Variants in ZCCHC14 observed in about 807,000 individuals in gnomAD.
The protein encoded by ZCCHC14 is zinc finger CCHC-type containing 14, also known as zinc finger CCHC domain-containing protein 14.
In ZCCHC14, 16 loss-of-function variants were observed where a neutral mutation model predicts 85.0. The observed-to-expected ratio is 0.19, with a 90% CI of 0.13 to 0.29. The LOEUF (loss-of-function observed/expected upper bound fraction) is 0.29. Among genes scored for constraint, ZCCHC14 ranks in the 10% least tolerant of loss-of-function variants. The pLI, the probability that ZCCHC14 is intolerant of heterozygous loss-of-function variation, is 1.00. For synonymous variants in ZCCHC14, 775 were observed against 630.7 expected, an observed-to-expected ratio of 1.23 and a Z score of -3.43; for missense variants, 1,303 against 1,443.5, an observed-to-expected ratio of 0.90 and a Z score of 1.58.
rs372087106 is a variant in ZCCHC14, at chr16:87,413,039, G to A, written c.1744+16C>T. 99 of 1,614,042 alleles carry A rather than the reference G, an allele frequency of 6.1e-5. No homozygotes were observed. The highest frequency in any genetic ancestry group is 4.8e-4 in the Admixed American group (29 of 60,014). On this transcript the variant is annotated intron_variant, in intron 11 of 12. Transcript: ENST00000671377. ...AGCTGGGCCAGGTCGAGCCAGCGCC[G>A]CGCACGTGCCCTTACGTCTGTCATT...
At chr16:87,411,311 C>A (rs2150718865) in intron 12 of ZCCHC14, 1 of 1,448,278 alleles carries the variant, frequency 6.9e-7, no homozygotes, top group Admixed American at 2.3e-5. Context: ...CAGAGGCTGT[C>A]TGAAATCATC....
Position 87,479,581 on chromosome 16 carries a change from C to A in ZCCHC14, c.570+12088G>T, listed in dbSNP as rs770214110. Among the ~76,000 whole-genome samples the A allele has an allele frequency of 3.2e-4, 49 of 152,078 alleles. 1 individual carries two copies. The highest frequency in any genetic ancestry group is 2.7e-3 in the Admixed American group (41 of 15,282). On this transcript the variant is annotated intron_variant, in intron 1 of 12. Coordinates refer to ENST00000671377, the MANE Select transcript of ZCCHC14 (RefSeq NM_015144.3). ...AAGTATAAAAGAAATACAAATGAAA[C>A]CTTAATTAGAATGAGTAACGGTTTT...
At chr16:87,425,530 C>G (rs1358823540) in intron 3 of ZCCHC14, among the ~76,000 whole-genome samples, 1 of 151,412 alleles carries the variant, frequency 6.6e-6, no homozygotes, top group African/African-American at 2.4e-5. Context: ...GAGCCGAGAT[C>G]GCGCCATTGC....
intron 2 of ZCCHC14, among the ~76,000 whole-genome samples, chr16:87,438,267 T>C (rs9927125): frequency 0.68 from 103,413 of 152,268 alleles, 35,799 homozygotes; most frequent in South Asian, 0.76. Context: ...GGACTCTGTG[T>C]GTCAACTGCA....
intron 2 of ZCCHC14, among the ~76,000 whole-genome samples, chr16:87,445,658 C>T (rs1405001030): frequency 2.0e-5 from 3 of 152,138 alleles, no homozygotes; most frequent in Non-Finnish European, 4.4e-5. Context: ...CCTCAAGCCA[C>T]GGCGTGTGGG....
intron 12 of ZCCHC14, 175 bp downstream of exon 12, chr16:87,411,341 C>G: frequency 2.7e-6 from 4 of 1,496,186 alleles, no homozygotes; most frequent in Non-Finnish European, 3.5e-6. Context: ...TTAGACCCAA[C>G]AGCAGTCCTT....
At chr16:87,413,712 G>C (rs535777098) in intron 10 of ZCCHC14, among the ~76,000 whole-genome samples, 1 of 152,010 alleles carries the variant, frequency 6.6e-6, no homozygotes, top group East Asian at 1.9e-4. Context: ...AAATCGCTGA[G>C]ACTGAGGGTC....
At position 87,492,272 on chromosome 16, in the gene ZCCHC14, G is replaced by A; in HGVS notation, c.-34C>T. The A allele has an allele frequency of 4.1e-6, 4 of 978,376 alleles. No individual in the cohort carries two copies. The highest frequency in any genetic ancestry group is 4.8e-6 in the Non-Finnish European group (4 of 826,998). The allele number at this position is 978,376 out of a possible 1,614,324, so 60.6% of individuals were successfully genotyped here. The stretch of plus-strand genomic sequence containing the variant: ...CCGCGCCGCGCCGCGACCCGGGGCC[G>A]GGGACCGCGCGGGGGCGGCCGGGGG... On this transcript the variant is annotated 5_prime_UTR_variant, in exon 1 of 13. Transcript: ENST00000671377. This position sits in a 1 kb window ranked among gnomAD's most constrained non-coding sequence, Gnocchi z 6.7.
intron 2 of ZCCHC14, among the ~76,000 whole-genome samples, chr16:87,434,352 G>A (rs58466735): frequency 0.072 from 10,975 of 152,220 alleles, 1,324 homozygotes; most frequent in African/African-American, 0.25. Flanking sequence ...CAACACACCC[G>A]GCTCTGCCAG....
At chr16:87,489,490 A>G (rs1184482419) in intron 1 of ZCCHC14, among the ~76,000 whole-genome samples, 3 of 152,260 alleles carry the variant, frequency 2.0e-5, no homozygotes, top group Non-Finnish European at 1.5e-5. Flanking sequence ...GAGAGGCCAT[A>G]GAGGAGAAAG....
intron 4 of ZCCHC14, among the ~76,000 whole-genome samples, chr16:87,421,542 A>G (rs2150729380): frequency 6.6e-6 from 1 of 152,230 alleles, no homozygotes; most frequent in East Asian, 1.9e-4. Context: ...CTGGGCTGCA[A>G]GAGTGAAGGC....
chr16:87,475,552 TA>T (rs35771945), intron 1 of ZCCHC14, among the ~76,000 whole-genome samples: 23,171 of 91,424 alleles, frequency 0.25, 2,793 homozygotes, highest in African/African-American at 0.42. Context: ...GACTCTGTCT[TA>T]AAAAAAAAAA....
chr16:87,439,263 A>C (rs995914566), intron 2 of ZCCHC14, among the ~76,000 whole-genome samples: 1 of 151,884 alleles, frequency 6.6e-6, no homozygotes, highest in Non-Finnish European at 1.5e-5. Flanking sequence ...CCTCCTGAGC[A>C]GCTGGGACTA....
chr16:87,470,443 T>TTCC, intron 1 of ZCCHC14: 1 of 125,842 alleles, frequency 7.9e-6, no homozygotes, highest in Non-Finnish European at 1.5e-5. Flanking sequence ...CTCATAAAGC[T>TTCC]GCAGGGGGTG....
chr16:87,470,305 G>A (rs1033007511), intron 1 of ZCCHC14: 1 of 151,868 alleles, frequency 6.6e-6, no homozygotes, highest in Non-Finnish European at 1.5e-5. Flanking sequence ...ACTCCAACCT[G>A]GGAGACAGCA....
At position 87,463,024 on chromosome 16, in the gene ZCCHC14, C is replaced by T. The variant is rs192523889; in HGVS notation, c.571-2893G>A. ...TGGAGGTTGTAGGGAGCCGAGATTGCGCCATTGCACTCCAGCCTGGGCAAC... is the reference window on the plus strand; with the variant it reads ...TGGAGGTTGTAGGGAGCCGAGATTGTGCCATTGCACTCCAGCCTGGGCAAC... On this transcript the variant is annotated intron_variant, in intron 1 of 12. Coordinates refer to ENST00000671377, the MANE Select transcript of ZCCHC14 (RefSeq NM_015144.3). Among the ~76,000 whole-genome samples, 109 of 152,200 alleles carry T rather than the reference C, an allele frequency of 7.2e-4. 1 individual carries two copies. The highest frequency in any genetic ancestry group is 1.4e-3 in the Non-Finnish European group (93 of 68,026).
At chr16:87,428,950 C>T (rs866757045) in intron 3 of ZCCHC14, among the ~76,000 whole-genome samples, 2 of 152,218 alleles carry the variant, frequency 1.3e-5, no homozygotes, top group African/African-American at 2.4e-5. Flanking sequence ...CCTGTCCACG[C>T]GCCTGTGAAC....
intron 2 of ZCCHC14, among the ~76,000 whole-genome samples, chr16:87,454,184 C>G (rs116807780): frequency 1.4e-3 from 212 of 152,182 alleles, no homozygotes; most frequent in African/African-American, 4.7e-3. Flanking sequence ...CCAAAGGTTT[C>G]TCATACATGA....
rs567534975 is a variant in ZCCHC14, at chr16:87,460,418, G to A, written c.571-287C>T. ...TATGGTAGCCAAAGAGGCCGGGCACGGTGGCTCACGCCTGTTATCCCAGCA... is the reference window on the plus strand; with the variant it reads ...TATGGTAGCCAAAGAGGCCGGGCACAGTGGCTCACGCCTGTTATCCCAGCA... On this transcript the variant is annotated intron_variant, in intron 1 of 12. Transcript: ENST00000671377. Among the ~76,000 whole-genome samples, 4 of 152,292 alleles carry A rather than the reference G, an allele frequency of 2.6e-5. No individual in the cohort carries two copies. The South Asian group carries it at 6.2e-4, about 24-fold the overall frequency.
Sources: gnomAD v4.1 joint callset for allele counts (sites outside exome capture counted in the v4.1 genomes callset) on GRCh38, gnomAD v4.1.1 for gene constraint, Gnocchi (gnomAD v3.1) non-coding constraint, MANE v1.5 for transcripts, NCBI Gene and HGNC (gene_info 2026-07-23, HGNC 2026-07-21) for gene names.